Variants in NKAIN2 observed in about 807,000 individuals in gnomAD.
The protein encoded by NKAIN2 is sodium/potassium transporting ATPase interacting 2.
In NKAIN2, 14 loss-of-function variants were observed where a neutral mutation model predicts 32.6. That is an observed-to-expected ratio of 0.43 (90% confidence interval 0.28 to 0.67). The LOEUF (loss-of-function observed/expected upper bound fraction) is 0.67. Ranked by LOEUF, NKAIN2 falls within the 30% of genes least tolerant of loss-of-function variation. The pLI, the probability that NKAIN2 is intolerant of heterozygous loss-of-function variation, is 0.17. For synonymous variants in NKAIN2, 80 were observed against 87.2 expected (o/e 0.92, Z 0.46); for missense variants, 198 against 258.3 (o/e 0.77, Z 1.60).
intron 3 of NKAIN2, among the ~76,000 whole-genome samples, chr6:124,401,376 T>C (rs994790458): frequency 2.6e-5 from 4 of 152,140 alleles, no homozygotes; most frequent in Non-Finnish European, 5.9e-5. Context: ...GCCATCCAAA[T>C]CCAGCCTGCC....
chr6:124,291,565 G>A lies in NKAIN2; in HGVS notation c.192+8423G>A, dbSNP rs1795818217. Among the ~76,000 whole-genome samples the A allele has an allele frequency of 2.0e-5, 3 of 151,978 alleles. No homozygotes were observed. In the South Asian group the frequency reaches 6.2e-4, roughly 32 times the overall value. On this transcript the variant is annotated intron_variant, in intron 2 of 6. Transcript: ENST00000368417. ...TGAGGTAAGTTCTTCCAAAAGAAAT[G>A]CAATTGTCTTGAAACCCCTCCGCAG...
chr6:123,981,496 T>C (rs1253938465), intron 1 of NKAIN2, among the ~76,000 whole-genome samples: 3 of 152,140 alleles, frequency 2.0e-5, no homozygotes, highest in Non-Finnish European at 4.4e-5. Context: ...AATGCAGACC[T>C]TCCCATTAGC....
In NKAIN2 at chr6:124,780,943, C is replaced by T. The variant is rs182554050; in HGVS notation, c.475-10396C>T. On this transcript the variant is annotated intron_variant, in intron 4 of 6. Transcript: ENST00000368417. Reference sequence around the variant, plus strand: ...TCTCCTACATGCTCCAGGTTTCCCACAAGTAGTATTAAACTCCTCTGTGAT... The same window carrying T: ...TCTCCTACATGCTCCAGGTTTCCCATAAGTAGTATTAAACTCCTCTGTGAT... 6.7e-4 allele frequency among the ~76,000 whole-genome samples: 102 copies of T among 152,298 alleles called. 1 individual carries two copies. The highest frequency in any genetic ancestry group is 2.3e-3 in the African/African-American group (94 of 41,570).
At chr6:124,108,180 CTTG>C (rs954069890) in intron 1 of NKAIN2, among the ~76,000 whole-genome samples, 2 of 152,052 alleles carry the variant, frequency 1.3e-5, no homozygotes, top group Non-Finnish European at 2.9e-5. Flanking sequence ...TTTATCAATA[CTTG>C]TTATTATTTG....
chr6:123,899,850 T>C (rs1303304178), intron 1 of NKAIN2, among the ~76,000 whole-genome samples: 5 of 152,158 alleles, frequency 3.3e-5, no homozygotes, highest in African/African-American at 9.7e-5. Context: ...AGCCCTAGCC[T>C]CTGTAGGGTC....
intron 4 of NKAIN2, chr6:124,658,636 G>C (rs552801853): frequency 1.1e-6 from 1 of 882,326 alleles, no homozygotes; most frequent in Admixed American, 3.3e-5. Flanking sequence ...AATCCAATCA[G>C]TCAAGATGTG....
At chr6:123,881,172 C>T (rs376391029) in intron 1 of NKAIN2, among the ~76,000 whole-genome samples, 46 of 152,212 alleles carry the variant, frequency 3.0e-4, no homozygotes, top group African/African-American at 1.0e-3. Flanking sequence ...TAGGCGGCCA[C>T]CACCACACGC....
At chr6:124,408,211 T>C (rs1175494384) in intron 3 of NKAIN2, among the ~76,000 whole-genome samples, 2 of 152,132 alleles carry the variant, frequency 1.3e-5, no homozygotes, top group Non-Finnish European at 2.9e-5. Context: ...TTAGATCCCA[T>C]TTGTCAATTT....
chr6:124,632,040 A>G (rs1445440044), intron 3 of NKAIN2, among the ~76,000 whole-genome samples: 1 of 152,148 alleles, frequency 6.6e-6, no homozygotes, highest in Non-Finnish European at 1.5e-5. Flanking sequence ...CAAAATTGAC[A>G]TATAAATTAA....
At chr6:124,364,250 A>AAAAG (rs3054409) in intron 3 of NKAIN2, among the ~76,000 whole-genome samples, 1 of 139,748 alleles carries the variant, frequency 7.2e-6, no homozygotes, top group African/African-American at 2.7e-5. Flanking sequence ...AAAAAAAAAA[A>AAAAG]AGAGAGAAAA....
chr6:124,361,769 G>T (rs1799298866), intron 3 of NKAIN2, among the ~76,000 whole-genome samples: 1 of 152,036 alleles, frequency 6.6e-6, no homozygotes, highest in South Asian at 2.1e-4. Flanking sequence ...ACAGGAAGGA[G>T]ATAAAAGTTG....
rs1791944368 is a variant in NKAIN2, at chr6:124,223,504, CT to C, written c.55-59500del. 2.0e-5 allele frequency among the ~76,000 whole-genome samples: 3 copies of C among 152,118 alleles called. No homozygotes were observed. The South Asian group carries it at 6.2e-4, about 32-fold the overall frequency. Reference sequence around the variant, plus strand: ...ACCCTTCCTGGACTCTGTTTTTGTTCTAGTATTTATACAAGACACTGCTATT... The same window carrying C: ...ACCCTTCCTGGACTCTGTTTTTGTTCAGTATTTATACAAGACACTGCTATT... On this transcript the variant is annotated intron_variant, in intron 1 of 6. Coordinates refer to ENST00000368417, the MANE Select transcript of NKAIN2 (RefSeq NM_001040214.3).
At chr6:124,355,542 T>A (rs1798933770) in intron 3 of NKAIN2, among the ~76,000 whole-genome samples, 195 bp downstream of exon 3, 1 of 152,100 alleles carries the variant, frequency 6.6e-6, no homozygotes, top group Admixed American at 6.6e-5. Flanking sequence ...TACTTTTTCT[T>A]AAGCAAAACT....
At chr6:124,095,654 A>G (rs1437304433) in intron 1 of NKAIN2, among the ~76,000 whole-genome samples, 1 of 152,190 alleles carries the variant, frequency 6.6e-6, no homozygotes, top group Non-Finnish European at 1.5e-5. Context: ...CTAATAATGT[A>G]TTCCACTTAC....
chr6:123,963,610 T>A (rs1777948935), intron 1 of NKAIN2, among the ~76,000 whole-genome samples: 1 of 152,188 alleles, frequency 6.6e-6, no homozygotes, highest in Non-Finnish European at 1.5e-5. Flanking sequence ...TACACAATAG[T>A]TAGAAGAGAA....
chr6:123,896,895 A>T (rs961525346), intron 1 of NKAIN2, among the ~76,000 whole-genome samples: 1 of 152,092 alleles, frequency 6.6e-6, no homozygotes, highest in Non-Finnish European at 1.5e-5. Context: ...AAAAGATATA[A>T]TTTTTTCATT....
At chr6:123,817,386 A>G (rs781354353) in intron 1 of NKAIN2, among the ~76,000 whole-genome samples, 5 of 152,194 alleles carry the variant, frequency 3.3e-5, no homozygotes, top group Non-Finnish European at 7.3e-5. Flanking sequence ...GTCAGATTGC[A>G]AAATAGTCCC....
At chr6:124,580,239 G>C (rs1781472523) in intron 3 of NKAIN2, among the ~76,000 whole-genome samples, 1 of 152,096 alleles carries the variant, frequency 6.6e-6, no homozygotes, top group Admixed American at 6.6e-5. Context: ...CCCATATCTT[G>C]AGTAGAAAGA....
chr6:123,965,128 C>T (rs532117180), intron 1 of NKAIN2, among the ~76,000 whole-genome samples: 74 of 152,158 alleles, frequency 4.9e-4, no homozygotes, highest in Non-Finnish European at 9.1e-4. Context: ...AGACATCCAT[C>T]CACCCCCTGG....
Sources: gnomAD v4.1 joint callset for allele counts (sites outside exome capture counted in the v4.1 genomes callset) on GRCh38, gnomAD v4.1.1 for gene constraint, MANE v1.5 for transcripts, NCBI Gene and HGNC (gene_info 2026-07-23, HGNC 2026-07-21) for gene names.